The following PTER variants were observed in gnomAD, a reference collection of about 807,000 sequenced individuals.
PTER encodes N-acetyltaurine hydrolase.
A neutral mutation model predicts 29.6 loss-of-function variants in PTER; 38 were observed. That is an observed-to-expected ratio of 1.28 (90% CI 0.99 to 1.68). The LOEUF (loss-of-function observed/expected upper bound fraction) is 1.68. Ranked by LOEUF, PTER falls within the 40% of genes most tolerant of loss-of-function variation. The probability of loss-of-function intolerance (pLI) is 0.00; values close to 1 mark genes in which losing one functional copy is unlikely to be tolerated. For synonymous variants in PTER, 172 were observed against 154.5 expected (o/e 1.11, Z -0.84); for missense variants, 482 against 427.8 (o/e 1.13, Z -1.12).
At chr10:16,453,346 GCATATATACAGACACA>G (rs1205774084) in intron 1 of PTER, among the ~76,000 whole-genome samples, 1 of 152,134 alleles carries the variant, frequency 6.6e-6, no homozygotes, top group East Asian at 1.9e-4. Context: ...TAAAAATTGT[GCATATATACAGACACA>G]CATATATACA....
rs751872168 is a variant in PTER at position 16,511,094 on chromosome 10, A to C, written c.888A>C (p.Ala296=). 6.8e-6 allele frequency: 11 copies of C among 1,613,976 alleles called. No homozygotes were observed. The African/African-American group carries it at 1.5e-4, about 22-fold the overall frequency. Residue 296 remains alanine (A), a synonymous_variant, in exon 5 of 5, where the codon GCA becomes GCC. Coordinates refer to ENST00000535784, the MANE Select transcript of PTER (RefSeq NM_001261836.2). The part of the protein sequence containing the change: ...EEGCEDRILV[A]HDIHTKTRLM... ...GCTGTGAAGATCGAATTCTGGTAGCACATGACATACATACGAAAACCCGGC... is the reference window on the plus strand; with the variant it reads ...GCTGTGAAGATCGAATTCTGGTAGCCCATGACATACATACGAAAACCCGGC...
rs143115180 is a variant in PTER, at chr10:16,484,663, G to A, written c.279G>A (p.Gly93=). ...ELLYFKANGG[G]ALVENTTTGI... is the part of the protein sequence containing the mutation. ...TGTATTTTAAAGCTAATGGTGGAGG[G>A]GCTTTGGTGGAAAACACAACCACTG... The change falls in exon 2 of 5, where the codon GGG becomes GGA. Residue 93 remains glycine, a synonymous_variant. Transcript: ENST00000535784. The A allele has an allele frequency of 5.3e-5, 85 of 1,614,000 alleles. No individual in the cohort carries two copies. Among genetic ancestry groups the A allele is most frequent in the Admixed American group, 8.3e-5 (5 of 59,976 alleles).
At chr10:16,517,616 C>T (rs1349467056), downstream of PTER, among the ~76,000 whole-genome samples, 1 of 152,150 alleles carries the variant, frequency 6.6e-6, no homozygotes, top group Non-Finnish European at 1.5e-5. Context: ...TATGCACTGT[C>T]ATGGGCTTTC....
At chr10:16,458,745 G>A (rs1392267745) in intron 1 of PTER, among the ~76,000 whole-genome samples, 6 of 152,158 alleles carry the variant, frequency 3.9e-5, no homozygotes, top group Non-Finnish European at 2.9e-5. Flanking sequence ...CACTGAAGCT[G>A]CTTCTCCAGA....
At chr10:16,487,761 C>A (rs1835757561) in intron 3 of PTER, among the ~76,000 whole-genome samples, 1 of 152,110 alleles carries the variant, frequency 6.6e-6, no homozygotes, top group African/African-American at 2.4e-5. Context: ...TAATACAGCA[C>A]CAGTGAGACT....
At chr10:16,473,480 A>AGTTTT (rs1835130697) in intron 1 of PTER, among the ~76,000 whole-genome samples, 1 of 126,376 alleles carries the variant, frequency 7.9e-6, no homozygotes, top group East Asian at 2.8e-4. Flanking sequence ...AAATCGCACC[A>AGTTTT]CTGCACTCCA....
chr10:16,502,418 C>T (rs1409494022), intron 3 of PTER, among the ~76,000 whole-genome samples: 2 of 152,010 alleles, frequency 1.3e-5, no homozygotes, highest in African/African-American at 4.8e-5. Context: ...AGATGGTCTC[C>T]ATGGTAAGAA....
At position 16,493,096 on chromosome 10, in the gene PTER, C is replaced by G. The variant is rs945262874; in HGVS notation, c.698+6479C>G. Among the ~76,000 whole-genome samples the G allele has an allele frequency of 2.0e-5, 3 of 152,146 alleles. No homozygotes were observed. The South Asian group carries it at 6.2e-4, about 32-fold the overall frequency. ...CGTTGGGCTGTAGCCTGAAGAACAACCCACTCTCTGCCTTCAAAGTCATTA... is the reference window on the plus strand; with the variant it reads ...CGTTGGGCTGTAGCCTGAAGAACAAGCCACTCTCTGCCTTCAAAGTCATTA... On this transcript the variant is annotated intron_variant, in intron 3 of 4. Transcript: ENST00000535784.
At chr10:16,466,350 G>T (rs572110013) in intron 1 of PTER, among the ~76,000 whole-genome samples, 1 of 151,634 alleles carries the variant, frequency 6.6e-6, no homozygotes, top group South Asian at 2.1e-4. Flanking sequence ...TCTAAAAACA[G>T]GTATCTGCAC....
chr10:16,475,253 G>T (rs1835216707), intron 1 of PTER, among the ~76,000 whole-genome samples: 1 of 152,180 alleles, frequency 6.6e-6, no homozygotes, highest in African/African-American at 2.4e-5. Flanking sequence ...TCATCATTCT[G>T]TGGGTTGGTC....
intron 1 of PTER, among the ~76,000 whole-genome samples, chr10:16,439,469 C>G (rs373476020): frequency 1.4e-4 from 21 of 152,292 alleles, no homozygotes; most frequent in African/African-American, 5.1e-4. Flanking sequence ...TGACCGTGTA[C>G]TCAGTGCCAG....
intron 4 of PTER, among the ~76,000 whole-genome samples, chr10:16,506,837 TGA>T (rs1206318018): frequency 2.0e-5 from 3 of 152,012 alleles, no homozygotes; most frequent in Non-Finnish European, 4.4e-5. Flanking sequence ...GTCAGGTCAA[TGA>T]GAGAGATCTT....
intron 1 of PTER, among the ~76,000 whole-genome samples, chr10:16,462,871 A>G (rs1159083616): frequency 5.3e-5 from 8 of 149,570 alleles, no homozygotes; most frequent in African/African-American, 2.0e-4. Flanking sequence ...ATGCCCGGCC[A>G]CATAATCTAC....
At chr10:16,517,124 T>A (rs1243327487), downstream of PTER, among the ~76,000 whole-genome samples, 1 of 152,216 alleles carries the variant, frequency 6.6e-6, no homozygotes, top group Non-Finnish European at 1.5e-5. Flanking sequence ...TTCCTAAATG[T>A]ACAGTGATTT....
At chr10:16,493,118 ATTAT>A (rs1254880318) in intron 3 of PTER, among the ~76,000 whole-genome samples, 1 of 152,216 alleles carries the variant, frequency 6.6e-6, no homozygotes, top group Non-Finnish European at 1.5e-5. Context: ...CTTCAAAGTC[ATTAT>A]TTAATTATAA....
intron 4 of PTER, among the ~76,000 whole-genome samples, chr10:16,509,633 T>G (rs1036364435): frequency 6.6e-6 from 1 of 152,208 alleles, no homozygotes; most frequent in African/African-American, 2.4e-5. Flanking sequence ...TGTGTGTGCA[T>G]TCTGTCAAAT....
intron 1 of PTER, among the ~76,000 whole-genome samples, chr10:16,480,315 G>A (rs1168470891): frequency 1.3e-5 from 2 of 150,586 alleles, no homozygotes; most frequent in Admixed American, 6.6e-5. Context: ...TCAGCCTCCC[G>A]AGTAGCCTCC....
Position 16,486,498 on chromosome 10 carries a change from G to T in PTER, c.579G>T (p.Gln193His). ...AGGCCACAGCTCATGCCCAGGCTCA[G>T]CTTGGTTGTCCTGTTATTATCCATC... ...VLQATAHAQAQLGCPVIIHPG... is the reference protein window; with the variant it reads ...VLQATAHAQAHLGCPVIIHPG... Residue 193 changes from glutamine to histidine, a missense_variant, in exon 3 of 5, where the codon CAG becomes CAT. Gln to His is a conservative substitution (Grantham distance 24). Coordinates refer to ENST00000535784, the MANE Select transcript of PTER (RefSeq NM_001261836.2). 6.2e-7 allele frequency: 1 copy of T among 1,614,032 alleles called. No homozygotes were observed. The highest frequency in any genetic ancestry group is 8.5e-7 in the Non-Finnish European group (1 of 1,179,976).
Position 16,484,396 on chromosome 10 carries a change from A to T in PTER, c.12A>T (p.Leu4Phe). ...TGGTACCATCAGAAATGTCTTCCTT[A>T]AGTGGAAAAGTCCAAACCGTTTTGG... MSS[L>F]SGKVQTVLGL... The change falls in exon 2 of 5, where the codon TTA becomes TTT. Residue 4 changes from leucine to phenylalanine, a missense_variant. Coordinates refer to ENST00000535784, the MANE Select transcript of PTER (RefSeq NM_001261836.2). 6.3e-7 allele frequency: 1 copy of T among 1,583,662 alleles called. No individual in the cohort carries two copies.
Sources: allele counts gnomAD v4.1 joint callset (sites outside exome capture counted in the v4.1 genomes callset), GRCh38; gene constraint gnomAD v4.1.1; transcripts MANE v1.5; gene names NCBI Gene and HGNC (gene_info 2026-07-23, HGNC 2026-07-21).